The following C2CD2L variants were observed in gnomAD, a reference collection of about 807,000 sequenced individuals.
The protein encoded by C2CD2L is C2CD2 like, also known as phospholipid transfer protein C2CD2L.
Under a neutral mutation model 69.9 loss-of-function variants are expected in C2CD2L, and 24 were observed. That is an observed-to-expected ratio of 0.34 (90% confidence interval 0.25 to 0.48). The LOEUF is 0.48. Among genes scored for constraint, C2CD2L ranks in the 20% least tolerant of loss-of-function variants. C2CD2L has a pLI of 0.99. For synonymous variants in C2CD2L, 367 were observed against 391.0 expected, an observed-to-expected ratio of 0.94 and a Z score of 0.72; for missense variants, 811 against 941.5, an observed-to-expected ratio of 0.86 and a Z score of 1.81.
chr11:119,115,377 T>C (rs1196047332), intron 13 of C2CD2L: 2 of 152,334 alleles, frequency 1.3e-5, no homozygotes, highest in East Asian at 1.9e-4. Flanking sequence ...CCAGTGGTGG[T>C]AGTTCTTCTA....
chr11:119,102,860 CTTTTTTTTTTTTTTTTTTTT>C (rs141575057), upstream of C2CD2L, among the ~76,000 whole-genome samples: 8 of 43,454 alleles, frequency 1.8e-4, no homozygotes, highest in South Asian at 1.5e-3. Context: ...AATTCACCAG[CTTTTTTTTTTTTTTTTTTTT>C]TTTTTTTTTG....
chr11:119,112,414 C>T (rs771731860), intron 8 of C2CD2L, 22 bp downstream of exon 8: 1 of 1,613,804 alleles, frequency 6.2e-7, no homozygotes, highest in South Asian at 1.1e-5. Context: ...GTGGGAGGGG[C>T]ACCCCTGGGT....
At chr11:119,115,762 G>A (rs1358171421) in intron 13 of C2CD2L, 4 of 489,930 alleles carry the variant, frequency 8.2e-6, no homozygotes, top group Admixed American at 7.2e-5. Flanking sequence ...TCTCTTTTGC[G>A]GGCAGAGTTA....
chr11:119,107,313 C>T (rs1946609913), upstream of C2CD2L: 1 of 153,848 alleles, frequency 6.5e-6, no homozygotes, highest in African/African-American at 2.4e-5. The surrounding 1 kb of genome is among the most constrained non-coding windows in gnomAD (Gnocchi z 5.4). Flanking sequence ...GGTGCGGCTC[C>T]TTTAAGGGCG....
chr11:119,112,967 C>G (rs890395707), intron 10 of C2CD2L, 93 bp downstream of exon 10: 3 of 1,032,322 alleles, frequency 2.9e-6, no homozygotes, highest in Non-Finnish European at 4.3e-6. Context: ...AGCCTTAATT[C>G]CAACTCCCCC....
In C2CD2L at chr11:119,116,397, G is replaced by T; in HGVS notation, c.*141G>T. 1.5e-6 allele frequency: 1 copy of T among 670,420 alleles called. No homozygotes were observed. Among genetic ancestry groups the T allele is most frequent in the Non-Finnish European group, 2.5e-6 (1 of 392,800 alleles). 41.5% of individuals were successfully genotyped at this position (670,420 alleles called of 1,614,324 possible). A position where few individuals can be genotyped will look rare whatever the true frequency, so the allele number is the denominator to read the frequency against. ...CCCGTCCACCCTGGGCCATGGGGCC[G>T]GTTGGAAGGATACTTGGAACGGGAA... On this transcript the variant is annotated 3_prime_UTR_variant, in exon 14 of 14. Transcript: ENST00000648610.
intron 1 of C2CD2L, among the ~76,000 whole-genome samples, chr11:119,108,970 T>A (rs1483902108): frequency 2.0e-5 from 3 of 152,162 alleles, no homozygotes; most frequent in African/African-American, 7.2e-5. Context: ...AAGAAATTGC[T>A]CTATTTACTC....
intron 10 of C2CD2L, 69 bp downstream of exon 10, chr11:119,112,943 G>A (rs767299352): frequency 1.5e-6 from 2 of 1,331,866 alleles, no homozygotes; most frequent in East Asian, 2.3e-5. Flanking sequence ...AGGCAGGACA[G>A]TGAAAGAGGA....
At position 119,110,882 on chromosome 11, in the gene C2CD2L, G is replaced by T; in HGVS notation, c.606G>T (p.Gly202=). The T allele has an allele frequency of 6.2e-7, 1 of 1,614,168 alleles. No individual in the cohort carries two copies. The highest frequency in any genetic ancestry group is 8.5e-7 in the Non-Finnish European group (1 of 1,179,980). ...EVNLEEIPGE[G]LLISWAFTDR... ...ACCTGGAGGAAATCCCTGGTGAGGG[G>T]CTGCTCATATCCTGGGCCTTCACTG... Residue 202 remains glycine (G), a synonymous_variant, in exon 4 of 14, where the codon GGG becomes GGT. Coordinates refer to ENST00000648610, the MANE Select transcript of C2CD2L (RefSeq NM_001290474.2). The surrounding 1 kb of genome is among the most constrained non-coding windows in gnomAD (Gnocchi z 5.7).
chr11:119,115,758 T>C (rs1946869395), intron 13 of C2CD2L: 1 of 496,382 alleles, frequency 2.0e-6, no homozygotes, highest in Admixed American at 3.6e-5. Flanking sequence ...GATATCTCTT[T>C]TGCGGGCAGA....
intron 7 of C2CD2L, chr11:119,111,840 G>A (rs980715741): frequency 2.4e-5 from 13 of 549,086 alleles, no homozygotes; most frequent in South Asian, 1.4e-4. Context: ...GGCAGAGACA[G>A]GTGTACATAA....
upstream of C2CD2L, among the ~76,000 whole-genome samples, chr11:119,104,285 T>G (rs1946551059): frequency 6.6e-6 from 1 of 152,144 alleles, no homozygotes; most frequent in African/African-American, 2.4e-5. Flanking sequence ...TATTTCCTTT[T>G]TTATTAGGAG....
intron 1 of C2CD2L, among the ~76,000 whole-genome samples, chr11:119,108,731 G>C (rs1415758089): frequency 6.6e-6 from 1 of 152,176 alleles, no homozygotes; most frequent in East Asian, 1.9e-4. Flanking sequence ...TGCACCATGG[G>C]CATCTGGCCT....
chr11:119,107,666 C>A lies in C2CD2L; in HGVS notation c.-76C>A. On this transcript the variant is annotated 5_prime_UTR_variant, in exon 1 of 14. Coordinates refer to ENST00000648610, the MANE Select transcript of C2CD2L (RefSeq NM_001290474.2). The surrounding 1 kb of genome is among the most constrained non-coding windows in gnomAD (Gnocchi z 5.4). ...CCCGGGGGAGCCCACCTCCTCCCCG[C>A]GGCCCGCCCGGGCCATGCTCCCCCG... The A allele has an allele frequency of 1.1e-6, 1 of 951,048 alleles. No homozygotes were observed. The highest frequency in any genetic ancestry group is 2.6e-5 in the South Asian group (1 of 38,996). The allele number at this position is 951,048 out of a possible 1,614,324, so 58.9% of individuals were successfully genotyped here.
upstream of C2CD2L, among the ~76,000 whole-genome samples, chr11:119,103,917 CG>C (rs1478800178): frequency 3.3e-5 from 5 of 152,138 alleles, no homozygotes; most frequent in South Asian, 4.1e-4. Flanking sequence ...TAGAAACTCC[CG>C]GGAGGCAAGT....
upstream of C2CD2L, chr11:119,102,457 C>T: frequency 1.0e-5 from 4 of 381,874 alleles, no homozygotes; most frequent in South Asian, 7.9e-5. Flanking sequence ...CTTGAAAAGC[C>T]CCTCCCACTC....
At chr11:119,113,022 A>G (rs1946792059) in intron 10 of C2CD2L, 148 bp downstream of exon 10, 2 of 668,670 alleles carry the variant, frequency 3.0e-6, no homozygotes, top group East Asian at 2.8e-5. Context: ...CTTCCTCCCA[A>G]TCTTTGTCTC....
upstream of C2CD2L, chr11:119,102,519 T>C: frequency 2.7e-6 from 1 of 365,392 alleles, no homozygotes; most frequent in Admixed American, 3.6e-5. Flanking sequence ...CCCACCCACC[T>C]TCTGCCCCAG....
chr11:119,105,965 T>C (rs1251409687), upstream of C2CD2L, among the ~76,000 whole-genome samples: 2 of 152,214 alleles, frequency 1.3e-5, no homozygotes, highest in African/African-American at 2.4e-5. Flanking sequence ...GTTCTGGCCC[T>C]GAGTTCTCTC....
Sources: allele counts gnomAD v4.1 joint callset (sites outside exome capture counted in the v4.1 genomes callset), GRCh38; gene constraint gnomAD v4.1.1; non-coding constraint Gnocchi (gnomAD v3.1); transcripts MANE v1.5; gene names NCBI Gene and HGNC (gene_info 2026-07-23, HGNC 2026-07-21).